Variants in NOTCH2 observed in about 807,000 individuals in gnomAD.
NOTCH2 encodes notch receptor 2, also known as neurogenic locus notch homolog protein 2.
A neutral mutation model predicts 235.8 loss-of-function variants in NOTCH2; 29 were observed. That is an observed-to-expected ratio of 0.12 (90% CI 0.09 to 0.17). NOTCH2 has a LOEUF of 0.17. NOTCH2 is among the 10% of genes least tolerant of loss of function. The pLI is 1.00. For synonymous variants in NOTCH2, 1,086 were observed against 1,141.5 expected (o/e 0.95, Z 0.98); for missense variants, 2,285 against 3,150.2 (o/e 0.73, Z 6.57).
chr1:119,995,565 G>A (rs1652407124), intron 4 of NOTCH2: 1 of 152,144 alleles, frequency 6.6e-6, no homozygotes, highest in Admixed American at 6.6e-5. Context: ...ACAAATGCAG[G>A]AGTGAAGACA....
rs2101163074 is a variant in NOTCH2, at chr1:119,925,718, G to A, written c.4098C>T (p.Cys1366=). Residue 1366 remains cysteine, a synonymous_variant, in exon 25 of 34, where the codon TGC becomes TGT. Transcript: ENST00000256646. Reference sequence around the variant, plus strand: ...CGCAGTCCCGGGGACTGGGGCAGAAGCAGCGGGGTCCAGAGGCGGTGTGCA... The same window carrying A: ...CGCAGTCCCGGGGACTGGGGCAGAAACAGCGGGGTCCAGAGGCGGTGTGCA... ...QCVHTASGPR[C]FCPSPRDCES... 5 of 1,613,442 alleles carry A rather than the reference G, an allele frequency of 3.1e-6. No homozygotes were observed. Among genetic ancestry groups the A allele is most frequent in the Non-Finnish European group, 4.2e-6 (5 of 1,179,486 alleles).
chr1:120,048,723 C>T lies in NOTCH2; in HGVS notation c.74-18736G>A, dbSNP rs1341449613. ...TCAGACTCCCAAAGCACTGCGATTACAGGTGTGAGCCACCAAGCCCAGCCC... is the reference window on the plus strand; with the variant it reads ...TCAGACTCCCAAAGCACTGCGATTATAGGTGTGAGCCACCAAGCCCAGCCC... On this transcript the variant is annotated intron_variant, in intron 1 of 33. Transcript: ENST00000256646. Among the ~76,000 whole-genome samples the T allele has an allele frequency of 6.2e-5, 8 of 130,038 alleles. No homozygotes were observed. In the East Asian group the frequency reaches 8.7e-4, roughly 14 times the overall value. 85.3% of individuals were successfully genotyped at this position (130,038 alleles called of 152,430 possible).
intron 2 of NOTCH2, among the ~76,000 whole-genome samples, chr1:120,015,030 T>A: frequency 1.4e-5 from 2 of 146,754 alleles, no homozygotes; most frequent in Middle Eastern, 3.5e-3. Flanking sequence ...ATTTGGCCAT[T>A]CAAAAAAAAA....
Position 119,924,000 on chromosome 1 carries a change from C to T in NOTCH2, c.4512-16G>A, listed in dbSNP as rs1345478611. 6.2e-7 allele frequency: 1 copy of T among 1,600,536 alleles called. No homozygotes were observed. Among genetic ancestry groups the T allele is most frequent in the Non-Finnish European group, 8.6e-7 (1 of 1,168,100 alleles). On this transcript the variant is annotated splice_polypyrimidine_tract_variant and intron_variant, in intron 25 of 33. Coordinates refer to ENST00000256646, the MANE Select transcript of NOTCH2 (RefSeq NM_024408.4). ...TTTGTCATACCTAGGTAAGGGGAAG[C>T]AGAGAACAGGCAAAAGAGCTCAGAT...
chr1:119,980,565 T>C (rs587746237), intron 5 of NOTCH2, among the ~76,000 whole-genome samples: 1 of 152,340 alleles, frequency 6.6e-6, no homozygotes, highest in African/African-American at 2.4e-5. Flanking sequence ...TCTAGCTTCT[T>C]AGTCTTGTCT....
intron 2 of NOTCH2, among the ~76,000 whole-genome samples, chr1:120,006,758 A>C (rs1312188783): frequency 6.6e-6 from 1 of 151,918 alleles, no homozygotes; most frequent in East Asian, 1.9e-4. Flanking sequence ...CCCTCTCAAA[A>C]ACCAGCTCTT....
Position 119,948,432 on chromosome 1 carries a change from T to C in NOTCH2, c.2734A>G (p.Ile912Val). 1.2e-6 allele frequency: 2 copies of C among 1,614,196 alleles called. No individual in the cohort carries two copies. Among genetic ancestry groups the C allele is most frequent in the East Asian group, 2.2e-5 (1 of 44,886 alleles). The change falls in exon 17 of 34, where the codon ATT (isoleucine) becomes GTT (valine). Residue 912 changes from isoleucine to valine, a missense_variant. By Grantham distance (29) the Ile-to-Val change is conservative. This residue lies in a region of NOTCH2 where 1,173 missense variants were observed against 1,515.3 expected (regional missense o/e 0.77). Coordinates refer to ENST00000256646, the MANE Select transcript of NOTCH2 (RefSeq NM_024408.4). Reference protein sequence around the residue: ...GFSGMDCEEDIDDCLANPCQN... With the variant: ...GFSGMDCEEDVDDCLANPCQN... ...TACTCACTGGCAAGGCAGTCATCAA[T>C]GTCCTCCTCACAGTCCATACCACTG...
intron 18 of NOTCH2, 145 bp downstream of exon 18, chr1:119,941,381 A>G: frequency 1.4e-6 from 1 of 703,444 alleles, no homozygotes. Context: ...GGAACCAGTA[A>G]CCGGGCAATA....
intron 18 of NOTCH2, 88 bp from the exon 19 acceptor site, chr1:119,940,844 A>C: frequency 8.2e-7 from 1 of 1,215,110 alleles, no homozygotes; most frequent in South Asian, 1.3e-5. Flanking sequence ...CTAAGATCAT[A>C]CAGAGGCAAA....
intron 22 of NOTCH2, among the ~76,000 whole-genome samples, chr1:119,931,137 G>GT (rs1364599601): frequency 6.7e-6 from 1 of 148,712 alleles, no homozygotes; most frequent in African/African-American, 2.5e-5. Flanking sequence ...AAAGAAAACA[G>GT]TTCTGTATGT....
intron 3 of NOTCH2, among the ~76,000 whole-genome samples, chr1:119,999,492 C>T (rs1310133391): frequency 6.8e-6 from 1 of 148,054 alleles, no homozygotes; most frequent in African/African-American, 2.5e-5. Context: ...TCTTTCCACT[C>T]ATGTCACTAA....
At chr1:120,026,937 G>GCAGCT (rs1238418530) in intron 2 of NOTCH2, among the ~76,000 whole-genome samples, 6 of 129,150 alleles carry the variant, frequency 4.6e-5, no homozygotes, top group African/African-American at 1.7e-4. Context: ...CAGAATTTAG[G>GCAGCT]CAGCTCCATT....
chr1:119,984,981 G>C (rs1274753774), intron 5 of NOTCH2, among the ~76,000 whole-genome samples: 1 of 152,094 alleles, frequency 6.6e-6, no homozygotes, highest in East Asian at 1.9e-4. Context: ...GGAAACCCTA[G>C]AGAAAAGGAA....
intron 5 of NOTCH2, among the ~76,000 whole-genome samples, chr1:119,986,481 A>G (rs983870547): frequency 1.3e-5 from 2 of 152,232 alleles, no homozygotes; most frequent in Admixed American, 1.3e-4. Flanking sequence ...AATGTCATTA[A>G]GAGTACCTGC....
At chr1:119,939,983 G>A (rs1465915265) in intron 19 of NOTCH2, among the ~76,000 whole-genome samples, 2 of 152,214 alleles carry the variant, frequency 1.3e-5, no homozygotes, top group Non-Finnish European at 2.9e-5. Context: ...ATGCAACTTT[G>A]GAAAAGTTAC....
chr1:120,001,012 C>A (rs1484666521), intron 3 of NOTCH2, among the ~76,000 whole-genome samples: 1 of 151,984 alleles, frequency 6.6e-6, no homozygotes, highest in Non-Finnish European at 1.5e-5. Context: ...CTGTGCTATT[C>A]TCATGATAGT....
chr1:119,969,943 A>G (rs375183974), intron 5 of NOTCH2, among the ~76,000 whole-genome samples, 199 bp from the exon 6 acceptor site: 2 of 152,184 alleles, frequency 1.3e-5, no homozygotes, highest in African/African-American at 4.8e-5. Flanking sequence ...AATCGTTTCA[A>G]GATGAATAGT....
chr1:119,948,617 C>T (rs1553197351), intron 16 of NOTCH2, 51 bp from the exon 17 acceptor site: 3 of 1,606,432 alleles, frequency 1.9e-6, no homozygotes, highest in Middle Eastern at 1.6e-4. Flanking sequence ...CTGATTCCCA[C>T]AAAAATCTAC....
intron 28 of NOTCH2, among the ~76,000 whole-genome samples, 199 bp downstream of exon 28, chr1:119,922,037 C>G (rs1041798587): frequency 6.6e-6 from 1 of 152,098 alleles, no homozygotes; most frequent in Non-Finnish European, 1.5e-5. Flanking sequence ...AGAAGCTGGG[C>G]GGCATTGTGA....
Sources: gnomAD v4.1 joint callset for allele counts (sites outside exome capture counted in the v4.1 genomes callset) on GRCh38, gnomAD v4.1.1 for gene constraint, gnomAD v4.1.1 regional missense constraint, MANE v1.5 for transcripts, NCBI Gene and HGNC (gene_info 2026-07-23, HGNC 2026-07-21) for gene names.